Variants in RUNX3 observed in about 807,000 individuals in gnomAD.
The protein encoded by RUNX3 is RUNX family transcription factor 3.
A neutral mutation model predicts 27.7 loss-of-function variants in RUNX3; 10 were observed. That is an observed-to-expected ratio of 0.36 (90% CI 0.22 to 0.61). RUNX3 has a LOEUF of 0.61. Among genes scored for constraint, RUNX3 ranks in the 20% least tolerant of loss-of-function variants. The probability of loss-of-function intolerance (pLI) is 0.72; values close to 1 mark genes in which losing one functional copy is unlikely to be tolerated. For synonymous variants in RUNX3, 270 were observed against 269.2 expected (o/e 1.00, Z -0.03); for missense variants, 469 against 629.5 (o/e 0.75, Z 2.73).
chr1:24,939,142 T>C (rs927510519), intron 2 of RUNX3, among the ~76,000 whole-genome samples: 1 of 152,020 alleles, frequency 6.6e-6, no homozygotes, highest in African/African-American at 2.4e-5. Flanking sequence ...GAGGGGCACA[T>C]GAAGTAGGAG....
chr1:24,950,895 C>T (rs542950685), intron 2 of RUNX3, among the ~76,000 whole-genome samples: 36 of 152,192 alleles, frequency 2.4e-4, no homozygotes, highest in African/African-American at 8.2e-4. Context: ...TGCCAAAGTG[C>T]TTGATGTGCT....
intron 4 of RUNX3, among the ~76,000 whole-genome samples, chr1:24,903,037 T>C (rs183271228): frequency 2.7e-4 from 41 of 152,330 alleles, no homozygotes; most frequent in Middle Eastern, 3.4e-3. Context: ...CCAGCAGCCC[T>C]GCCCAGGCAG....
At chr1:24,964,940 C>G (rs1354013079) in exon 1 of RUNX3, 1 of 316,382 alleles carries the variant, frequency 3.2e-6, no homozygotes, top group Admixed American at 4.2e-5. Flanking sequence ...CTTTCGGCAG[C>G]CAGGGTGGAG....
chr1:24,921,608 G>C (rs372248889), intron 2 of RUNX3, among the ~76,000 whole-genome samples: 1 of 152,160 alleles, frequency 6.6e-6, no homozygotes, highest in Non-Finnish European at 1.5e-5. Context: ...CAGATGCCTC[G>C]GGCTCCCTGC....
intron 2 of RUNX3, among the ~76,000 whole-genome samples, chr1:24,951,628 G>A (rs772370314): frequency 2.0e-5 from 3 of 152,160 alleles, no homozygotes; most frequent in Non-Finnish European, 2.9e-5. Context: ...AACCAAGCTC[G>A]TGGGGGCACC....
intron 2 of RUNX3, chr1:24,963,148 T>A (rs961253570): frequency 2.6e-5 from 4 of 152,394 alleles, no homozygotes; most frequent in African/African-American, 9.7e-5. Flanking sequence ...CCCCCTTCAC[T>A]CCCCGACTCA....
At chr1:24,924,477 GTTCT>G (rs1641061568) in intron 2 of RUNX3, among the ~76,000 whole-genome samples, 2 of 150,936 alleles carry the variant, frequency 1.3e-5, no homozygotes, top group South Asian at 2.1e-4. Context: ...AGGAAAGACA[GTTCT>G]TTTTTTTTTT....
chr1:24,907,614 C>T (rs1640692613), intron 3 of RUNX3, among the ~76,000 whole-genome samples, 197 bp from the exon 4 acceptor site: 1 of 152,198 alleles, frequency 6.6e-6, no homozygotes, highest in South Asian at 2.1e-4. Context: ...ATGTGCCACC[C>T]CACATATCTA....
chr1:24,953,163 G>A (rs1394755844), intron 2 of RUNX3, among the ~76,000 whole-genome samples: 2 of 151,904 alleles, frequency 1.3e-5, no homozygotes, highest in Non-Finnish European at 2.9e-5. Flanking sequence ...TCAGGAGATC[G>A]AGACCATCCT....
chr1:24,940,922 T>C (rs540650586), intron 2 of RUNX3, among the ~76,000 whole-genome samples: 1 of 152,284 alleles, frequency 6.6e-6, no homozygotes, highest in South Asian at 2.1e-4. Context: ...ATACTTATAT[T>C]TTATACATTC....
upstream of RUNX3, among the ~76,000 whole-genome samples, chr1:24,931,106 C>A (rs1372547669): frequency 6.6e-6 from 1 of 152,238 alleles, no homozygotes; most frequent in Non-Finnish European, 1.5e-5. Context: ...CGCATGTAAC[C>A]ACGGTCCTGC....
rs1432550775 is a variant in RUNX3 at position 24,943,022 on chromosome 1, CG to C, written c.59-13171del. Among the ~76,000 whole-genome samples, 1 of 152,172 alleles carries C rather than the reference CG, an allele frequency of 6.6e-6. No homozygotes were observed. Among genetic ancestry groups the C allele is most frequent in the East Asian group, 1.9e-4 (1 of 5,186 alleles). ...GAGGGGGCAGCGGCTCAGGACTGGG[CG>C]GGGGTCCGGAGCGGAAGGCGCCCAG... On this transcript the variant is annotated intron_variant, in intron 2 of 6. Transcript: ENST00000338888. The surrounding 1 kb of genome is among the most constrained non-coding windows in gnomAD (Gnocchi z 4.6).
intron 2 of RUNX3, among the ~76,000 whole-genome samples, chr1:24,936,679 G>C (rs1049796123): frequency 6.6e-6 from 1 of 152,182 alleles, no homozygotes; most frequent in African/African-American, 2.4e-5. Context: ...CTCTCTCGCA[G>C]GCCCTCCTCT....
intron 2 of RUNX3, among the ~76,000 whole-genome samples, chr1:24,953,373 A>AG (rs1177445917): frequency 1.3e-5 from 2 of 150,494 alleles, no homozygotes; most frequent in East Asian, 3.8e-4. Context: ...GAAAAAAAAA[A>AG]AAAAAAGAAA....
In RUNX3 at chr1:24,927,818, A is replaced by C; in HGVS notation, c.283-88T>G. On this transcript the variant is annotated intron_variant, in intron 1 of 4. Transcript: ENST00000308873. The surrounding 1 kb of genome is among the most constrained non-coding windows in gnomAD (Gnocchi z 5.0). ...AAGGAGGGGAGGGGCTGGGCTGGGC[A>C]GCTCCCCCAGGTCCCAGGCACACTG... is the stretch of plus-strand genomic sequence containing the variant. The C allele has an allele frequency of 8.5e-7, 1 of 1,169,832 alleles. No individual in the cohort carries two copies. The highest frequency in any genetic ancestry group is 1.5e-5 in the African/African-American group (1 of 66,788). 72.5% of individuals were successfully genotyped at this position (1,169,832 alleles called of 1,614,324 possible).
At chr1:24,921,232 T>G (rs1017321874) in intron 2 of RUNX3, among the ~76,000 whole-genome samples, 3 of 152,184 alleles carry the variant, frequency 2.0e-5, no homozygotes, top group African/African-American at 7.2e-5. Context: ...CAGTTCTCTT[T>G]GCATGGCCGG....
At chr1:24,910,475 C>T (rs1389068525) in intron 3 of RUNX3, among the ~76,000 whole-genome samples, 2 of 152,098 alleles carry the variant, frequency 1.3e-5, no homozygotes, top group Non-Finnish European at 2.9e-5. Context: ...GCTGGGGACT[C>T]GAAAAGTGGG....
intron 1 of RUNX3, chr1:24,964,781 T>A (rs1177587191): frequency 5.5e-6 from 7 of 1,282,282 alleles, no homozygotes; most frequent in Admixed American, 2.9e-5. Context: ...CGCGAGAGTG[T>A]GTGTGAGTGA....
At chr1:24,920,370 C>T (rs1293158403) in intron 2 of RUNX3, among the ~76,000 whole-genome samples, 1 of 152,148 alleles carries the variant, frequency 6.6e-6, no homozygotes, top group Non-Finnish European at 1.5e-5. Flanking sequence ...GGGCGCGGAT[C>T]CCTCTTGGAG....
Sources: allele counts gnomAD v4.1 joint callset (sites outside exome capture counted in the v4.1 genomes callset), GRCh38; gene constraint gnomAD v4.1.1; non-coding constraint Gnocchi (gnomAD v3.1); transcripts MANE v1.5; gene names NCBI Gene and HGNC (gene_info 2026-07-23, HGNC 2026-07-21).